Variants in IFNAR1 observed in about 807,000 individuals in gnomAD.
The protein encoded by IFNAR1 is interferon alpha and beta receptor subunit 1, also known as interferon alpha/beta receptor 1.
Under a neutral mutation model 62.1 loss-of-function variants are expected in IFNAR1, and 47 were observed. The ratio of observed to expected loss-of-function variants is 0.76; its 90% CI spans 0.60 to 0.97. The LOEUF (loss-of-function observed/expected upper bound fraction) is 0.97. IFNAR1 is among the 50% of genes least tolerant of loss of function. IFNAR1 has a pLI of 0.00. For synonymous variants in IFNAR1, 219 were observed against 226.9 expected (o/e 0.97, Z 0.31); for missense variants, 638 against 654.5 (o/e 0.97, Z 0.27).
intron 8 of IFNAR1, among the ~76,000 whole-genome samples, chr21:33,350,311 G>A (rs2083387119): frequency 6.6e-6 from 1 of 151,088 alleles, no homozygotes; most frequent in African/African-American, 2.4e-5. Context: ...ATGTCCCCTG[G>A]TGGCTCCTCC....
intron 1 of IFNAR1, among the ~76,000 whole-genome samples, chr21:33,332,657 C>CA (rs1486812874): frequency 1.3e-5 from 2 of 151,862 alleles, no homozygotes; most frequent in African/African-American, 2.4e-5. Context: ...AAAAATTCAA[C>CA]AAAAAAATTA....
At chr21:33,329,597 T>G (rs1350038786) in intron 1 of IFNAR1, among the ~76,000 whole-genome samples, 1 of 152,158 alleles carries the variant, frequency 6.6e-6, no homozygotes, top group Non-Finnish European at 1.5e-5. Flanking sequence ...GTAGAACAAG[T>G]CTACAACAAG....
At chr21:33,329,044 C>T (rs1305155024) in intron 1 of IFNAR1, among the ~76,000 whole-genome samples, 2 of 152,076 alleles carry the variant, frequency 1.3e-5, no homozygotes, top group East Asian at 1.9e-4. Flanking sequence ...TATTTCCAAG[C>T]CCCTGTCCAT....
chr21:33,335,985 C>T (rs974127497), intron 2 of IFNAR1, among the ~76,000 whole-genome samples: 15 of 146,464 alleles, frequency 1.0e-4, no homozygotes, highest in African/African-American at 3.0e-4. Context: ...AGGTTAGTTA[C>T]GTATGTATAC....
intron 5 of IFNAR1, among the ~76,000 whole-genome samples, chr21:33,344,996 C>T (rs2083331896): frequency 6.6e-6 from 1 of 152,050 alleles, no homozygotes; most frequent in Admixed American, 6.5e-5. Context: ...CCATGTTGGC[C>T]AGGCGCGTCT....
At chr21:33,349,701 G>T (rs936714941) in intron 8 of IFNAR1, among the ~76,000 whole-genome samples, 158 bp downstream of exon 8, 1 of 152,100 alleles carries the variant, frequency 6.6e-6, no homozygotes, top group Non-Finnish European at 1.5e-5. Context: ...AAGGCGAGAG[G>T]ATCACTTGAG....
At chr21:33,327,968 T>C (rs775356851) in intron 1 of IFNAR1, among the ~76,000 whole-genome samples, 2 of 152,232 alleles carry the variant, frequency 1.3e-5, no homozygotes, top group Non-Finnish European at 2.9e-5. Context: ...CCTAAGGGGT[T>C]GTGGAGACCA....
intron 2 of IFNAR1, among the ~76,000 whole-genome samples, chr21:33,337,167 G>T (rs1568927772): frequency 6.6e-6 from 1 of 151,776 alleles, no homozygotes; most frequent in Non-Finnish European, 1.5e-5. Flanking sequence ...AGGTTGCTGT[G>T]AGCCAAGTTT....
At chr21:33,349,650 G>A (rs1281698520) in intron 8 of IFNAR1, 107 bp downstream of exon 8, 2 of 798,550 alleles carry the variant, frequency 2.5e-6, no homozygotes, top group South Asian at 1.9e-5. Flanking sequence ...CTTTATGTGG[G>A]CTGGATGCAG....
At chr21:33,340,429 G>A (rs1824670964) in intron 2 of IFNAR1, among the ~76,000 whole-genome samples, 1 of 152,062 alleles carries the variant, frequency 6.6e-6, no homozygotes, top group Admixed American at 6.5e-5. Context: ...ATAGCCTACT[G>A]CAGCCTGCAG....
chr21:33,337,535 C>T (rs2083249280), intron 2 of IFNAR1, among the ~76,000 whole-genome samples: 1 of 152,142 alleles, frequency 6.6e-6, no homozygotes, highest in Non-Finnish European at 1.5e-5. Flanking sequence ...AGCTGTGACA[C>T]TATTCTCGAG....
intron 1 of IFNAR1, among the ~76,000 whole-genome samples, chr21:33,330,378 C>T (rs2083164773): frequency 6.6e-6 from 1 of 151,996 alleles, no homozygotes; most frequent in South Asian, 2.1e-4. Context: ...TTTTGGGAGC[C>T]GGATATTAAA....
In IFNAR1 at chr21:33,343,648, T is replaced by C. The variant is rs776963768; in HGVS notation, c.645T>C (p.Tyr215=). The change falls in exon 5 of 11, where the codon TAT becomes TAC. Residue 215 remains tyrosine (Y), a synonymous_variant. Coordinates refer to ENST00000270139, the MANE Select transcript of IFNAR1 (RefSeq NM_000629.3). ...TTACGTCATGGAAAATTGGTGTCTA[T>C]AGTCCAGTACATTGTATAAAGACCA... The part of the protein sequence containing the change: ...ALLTSWKIGV[Y]SPVHCIKTTV... 1 of 1,608,770 alleles carries C rather than the reference T, an allele frequency of 6.2e-7. No individual in the cohort carries two copies. The highest frequency in any genetic ancestry group is 1.7e-5 in the Admixed American group (1 of 59,638).
At chr21:33,345,562 C>T (rs1454624122) in intron 6 of IFNAR1, among the ~76,000 whole-genome samples, 1 of 152,204 alleles carries the variant, frequency 6.6e-6, no homozygotes, top group African/African-American at 2.4e-5. Flanking sequence ...CGCTTAACCT[C>T]CATGGGCCTC....
chr21:33,339,801 G>A (rs868340859), intron 2 of IFNAR1, among the ~76,000 whole-genome samples: 2 of 151,698 alleles, frequency 1.3e-5, no homozygotes, highest in Admixed American at 6.6e-5. Flanking sequence ...GGTGGCACAC[G>A]CCTGTAATCA....
At chr21:33,352,126 A>G (rs192386008) in intron 8 of IFNAR1, among the ~76,000 whole-genome samples, 8 of 152,296 alleles carry the variant, frequency 5.3e-5, no homozygotes, top group Admixed American at 5.2e-4. Context: ...GATACTCTTA[A>G]TAAGGCAGTT....
Position 33,333,614 on chromosome 21 carries a change from A to ATT in IFNAR1, c.77-1900_77-1899dup, listed in dbSNP as rs59240203. ...CCATACTTAAAGAGACTGGCGGAAT[A>ATT]TTTTTTTTTTTCTTTTTTTTTTTTT... On this transcript the variant is annotated intron_variant, in intron 1 of 10. Transcript: ENST00000270139. Among the ~76,000 whole-genome samples the ATT allele has an allele frequency of 7.9e-3, 840 of 106,538 alleles. 12 individuals are homozygous for ATT. The highest frequency in any genetic ancestry group is 0.026 in the Middle Eastern group (5 of 192). The allele number at this position is 106,538 out of a possible 152,430, so 69.9% of individuals were successfully genotyped here.
Position 33,325,320 on chromosome 21 carries a change from C to G in IFNAR1, c.76+189C>G, listed in dbSNP as rs185307941. Among the ~76,000 whole-genome samples, 6 of 152,342 alleles carry G rather than the reference C, an allele frequency of 3.9e-5. No individual in the cohort carries two copies. The East Asian group carries it at 1.2e-3, about 29-fold the overall frequency. On this transcript the variant is annotated intron_variant, in intron 1 of 10. Transcript: ENST00000270139. ...CCAGGAGAAAGTGGTGTTCTGGGTC[C>G]TCTCTTGCCGCTTGCCTGTGGCCGT... is the stretch of plus-strand genomic sequence containing the variant.
rs36125058 is a variant in IFNAR1, at chr21:33,357,530, G to GTTTTTTTTTTTTTTTTTT, written c.*1996_*1997insTTTTTTTTTTTTTTTTTT. 1.4e-4 allele frequency: 20 copies of GTTTTTTTTTTTTTTTTTT among 139,666 alleles called. No individual in the cohort carries two copies. The highest frequency in any genetic ancestry group is 5.1e-4 in the African/African-American group (19 of 37,278). 8.7% of individuals were successfully genotyped at this position (139,666 alleles called of 1,614,324 possible). A position where few individuals can be genotyped will look rare whatever the true frequency, so the allele number is the denominator to read the frequency against. On this transcript the variant is annotated 3_prime_UTR_variant, in exon 11 of 11. Transcript: ENST00000270139. ...ATTTTCATCTTTCTGACCAGAGGCT[G>GTTTTTTTTTTTTTTTTTT]TTTTTTTTTTTTTTTGAGACAGTCT...
Sources: allele counts gnomAD v4.1 joint callset (sites outside exome capture counted in the v4.1 genomes callset), GRCh38; gene constraint gnomAD v4.1.1; transcripts MANE v1.5; gene names NCBI Gene and HGNC (gene_info 2026-07-23, HGNC 2026-07-21).